ANKH: variants seen among roughly 807,000 people sequenced by gnomAD.
The protein encoded by ANKH is mineralization regulator ANKH.
In ANKH, 15 loss-of-function variants were observed where a neutral mutation model predicts 49.0. The observed-to-expected ratio is 0.31, with a 90% CI of 0.20 to 0.47. The LOEUF (loss-of-function observed/expected upper bound fraction) is 0.47. Among genes scored for constraint, ANKH ranks in the 20% least tolerant of loss-of-function variants. ANKH has a pLI of 1.00. For missense variants in ANKH, 429 were observed against 652.0 expected (o/e 0.66, Z 3.72); for synonymous variants, 273 against 260.0 (o/e 1.05, Z -0.48).
intron 1 of ANKH, among the ~76,000 whole-genome samples, chr5:14,809,604 C>A (rs933712731): frequency 6.6e-6 from 1 of 152,098 alleles, no homozygotes; most frequent in Non-Finnish European, 1.5e-5. Flanking sequence ...GTTTTTTCCA[C>A]CACAGCTTTC....
At chr5:14,732,037 T>C (rs1394392624) in intron 8 of ANKH, among the ~76,000 whole-genome samples, 3 of 152,170 alleles carry the variant, frequency 2.0e-5, no homozygotes, top group Non-Finnish European at 4.4e-5. Context: ...GTGTTCTTTC[T>C]CACCTGAGGA....
intron 1 of ANKH, among the ~76,000 whole-genome samples, chr5:14,818,399 G>T (rs1019458298): frequency 6.6e-6 from 1 of 151,898 alleles, no homozygotes; most frequent in Non-Finnish European, 1.5e-5. Flanking sequence ...CAACACTTTG[G>T]GGGGCTGAGG....
chr5:14,759,016 A>C (rs940550882), intron 2 of ANKH, among the ~76,000 whole-genome samples: 2 of 152,206 alleles, frequency 1.3e-5, no homozygotes, highest in African/African-American at 4.8e-5. Context: ...CATCATTTTG[A>C]TACTAGAAAA....
At chr5:14,823,480 T>C (rs1741252756) in intron 1 of ANKH, among the ~76,000 whole-genome samples, 1 of 152,194 alleles carries the variant, frequency 6.6e-6, no homozygotes, top group Non-Finnish European at 1.5e-5. Context: ...AATCATAGCA[T>C]GGTGTGTGAG....
At chr5:14,780,615 G>A (rs1378340525) in intron 1 of ANKH, among the ~76,000 whole-genome samples, 1 of 152,186 alleles carries the variant, frequency 6.6e-6, no homozygotes, top group Non-Finnish European at 1.5e-5. Context: ...AAAAAAGGGT[G>A]TCCAGTTGAA....
intron 1 of ANKH, among the ~76,000 whole-genome samples, chr5:14,807,113 C>CTTTT (rs35180875): frequency 7.8e-6 from 1 of 127,716 alleles, no homozygotes; most frequent in African/African-American, 2.9e-5. Context: ...CATGATATTT[C>CTTTT]TTTTTTTTTT....
chr5:14,728,150 T>G (rs966138485), intron 8 of ANKH, among the ~76,000 whole-genome samples: 3 of 152,228 alleles, frequency 2.0e-5, no homozygotes, highest in African/African-American at 7.2e-5. Context: ...GGGAAGGAAG[T>G]CACTCACTAT....
chr5:14,710,202 T>C lies in ANKH; in HGVS notation c.*995A>G, dbSNP rs550982680. On this transcript the variant is annotated 3_prime_UTR_variant, in exon 12 of 12. Transcript: ENST00000284268. ...CTAAGGATAGCAGAACCAGGTAATA[T>C]ATCTACTTCAAAAGTTACCCTACAG... The C allele has an allele frequency of 1.3e-5, 2 of 152,306 alleles. No homozygotes were observed. The highest frequency in any genetic ancestry group is 4.8e-5 in the African/African-American group (2 of 41,564). The allele number at this position is 152,306 out of a possible 1,614,324, so 9.4% of individuals were successfully genotyped here.
intron 11 of ANKH, among the ~76,000 whole-genome samples, chr5:14,712,317 T>A (rs1255469897): frequency 6.6e-6 from 1 of 152,262 alleles, no homozygotes; most frequent in African/African-American, 2.4e-5. Flanking sequence ...CACCCATGTG[T>A]CCTCGTTCTT....
intron 6 of ANKH, among the ~76,000 whole-genome samples, chr5:14,747,515 G>A (rs916703090): frequency 1.3e-5 from 2 of 152,122 alleles, no homozygotes; most frequent in African/African-American, 4.8e-5. Context: ...AGCTGTGATC[G>A]TGCCACCACT....
chr5:14,862,289 G>A (rs1267638313), intron 1 of ANKH, among the ~76,000 whole-genome samples: 2 of 152,188 alleles, frequency 1.3e-5, no homozygotes, highest in Non-Finnish European at 2.9e-5. Flanking sequence ...CTACATAGGA[G>A]AAACAGTAAA....
intron 8 of ANKH, among the ~76,000 whole-genome samples, chr5:14,724,901 G>T (rs1737778456): frequency 6.6e-6 from 1 of 152,130 alleles, no homozygotes; most frequent in Admixed American, 6.5e-5. Context: ...ACTCACAAAG[G>T]CTTCCCCATT....
chr5:14,736,578 G>T (rs996184570), intron 8 of ANKH, among the ~76,000 whole-genome samples: 2 of 152,094 alleles, frequency 1.3e-5, no homozygotes, highest in Non-Finnish European at 2.9e-5. Flanking sequence ...CTGCCATTCT[G>T]CTCCAGTTTT....
intron 1 of ANKH, among the ~76,000 whole-genome samples, chr5:14,847,999 G>T (rs1742013278): frequency 6.6e-6 from 1 of 152,160 alleles, no homozygotes; most frequent in African/African-American, 2.4e-5. Flanking sequence ...AATTAGCCGG[G>T]TGTGGTGGCT....
At chr5:14,757,348 C>T (rs959689223) in intron 3 of ANKH, among the ~76,000 whole-genome samples, 1 of 150,132 alleles carries the variant, frequency 6.7e-6, no homozygotes, top group African/African-American at 2.5e-5. Context: ...AAGTCTCCTT[C>T]CAAGAATAAT....
chr5:14,744,486 AG>A (rs1738463653), intron 7 of ANKH, among the ~76,000 whole-genome samples: 1 of 152,258 alleles, frequency 6.6e-6, no homozygotes, highest in Non-Finnish European at 1.5e-5. Flanking sequence ...TGATAGAGAC[AG>A]GGAAGAGTGG....
chr5:14,773,326 T>G (rs1739507123), intron 1 of ANKH, among the ~76,000 whole-genome samples: 1 of 152,004 alleles, frequency 6.6e-6, no homozygotes, highest in Non-Finnish European at 1.5e-5. Flanking sequence ...GGACTAGACA[T>G]TTTATGTGTC....
chr5:14,715,956 CTGTCTT>C, intron 9 of ANKH, among the ~76,000 whole-genome samples: 1 of 152,364 alleles, frequency 6.6e-6, no homozygotes. Context: ...CAGTCCTTCT[CTGTCTT>C]TGTATATCTC....
intron 1 of ANKH, among the ~76,000 whole-genome samples, chr5:14,847,167 T>G (rs1346708600): frequency 6.6e-6 from 1 of 152,116 alleles, no homozygotes; most frequent in Non-Finnish European, 1.5e-5. Flanking sequence ...GGCTGGTTAA[T>G]GAGAGCAAAA....
Sources: gnomAD v4.1 joint callset for allele counts (sites outside exome capture counted in the v4.1 genomes callset) on GRCh38, gnomAD v4.1.1 for gene constraint, MANE v1.5 for transcripts, NCBI Gene and HGNC (gene_info 2026-07-23, HGNC 2026-07-21) for gene names.